Variants in GALNT13 observed in about 807,000 individuals in gnomAD.
GALNT13 encodes the protein UDP-GalNAc:polypeptide N-acetylgalactosaminyltransferase 13.
A neutral mutation model predicts 64.2 loss-of-function variants in GALNT13; 28 were observed. The observed-to-expected ratio is 0.44, with a 90% CI of 0.32 to 0.60. GALNT13 has a LOEUF of 0.60. Ranked by LOEUF, GALNT13 falls within the 20% of genes least tolerant of loss-of-function variation. GALNT13 has a pLI of 0.05. For synonymous variants in GALNT13, 214 were observed against 224.6 expected, an observed-to-expected ratio of 0.95 and a Z score of 0.42; for missense variants, 577 against 669.8, an observed-to-expected ratio of 0.86 and a Z score of 1.53.
At chr2:153,759,240 C>T in the GALNT13 span, among the ~76,000 whole-genome samples, 1 of 152,046 alleles carries the variant, frequency 6.6e-6, no homozygotes, top group Non-Finnish European at 1.5e-5. Flanking sequence ...ATGTCATCAC[C>T]AAACATGAAC....
At chr2:154,150,033 T>C (rs1259764778) in intron 4 of GALNT13, among the ~76,000 whole-genome samples, 1 of 152,196 alleles carries the variant, frequency 6.6e-6, no homozygotes, top group African/African-American at 2.4e-5. Flanking sequence ...CTTCCAGTTT[T>C]TGCCCATTCA....
chr2:153,450,885 T>G, the GALNT13 span, among the ~76,000 whole-genome samples: 3 of 152,222 alleles, frequency 2.0e-5, no homozygotes, highest in African/African-American at 7.2e-5. Context: ...TTCCATAGCA[T>G]GTTTCAAAAG....
chr2:154,394,768 G>T (rs2105359942), intron 9 of GALNT13, among the ~76,000 whole-genome samples: 1 of 152,256 alleles, frequency 6.6e-6, no homozygotes, highest in East Asian at 1.9e-4. Flanking sequence ...AAAGCCCAAA[G>T]ACCTTGTTTT....
the GALNT13 span, among the ~76,000 whole-genome samples, chr2:153,070,842 A>C: frequency 1.3e-5 from 2 of 152,146 alleles, no homozygotes; most frequent in African/African-American, 2.4e-5. Flanking sequence ...GTTCCCCTGA[A>C]CTTTCTGAAC....
the GALNT13 span, among the ~76,000 whole-genome samples, chr2:153,489,646 G>C: frequency 6.6e-6 from 1 of 152,110 alleles, no homozygotes; most frequent in South Asian, 2.1e-4. Flanking sequence ...CCTATGTTTC[G>C]ATTAATACAA....
chr2:153,630,179 C>G, the GALNT13 span, among the ~76,000 whole-genome samples: 1 of 151,752 alleles, frequency 6.6e-6, no homozygotes, highest in Non-Finnish European at 1.5e-5. Flanking sequence ...AGTCATGCTG[C>G]TATAAAGACA....
the GALNT13 span, among the ~76,000 whole-genome samples, chr2:153,837,143 A>G: frequency 6.6e-6 from 1 of 151,434 alleles, no homozygotes; most frequent in Admixed American, 6.6e-5. Context: ...AAGTGTTCCT[A>G]TTTCTCCACA....
At chr2:153,080,380 G>A in the GALNT13 span, among the ~76,000 whole-genome samples, 340 of 152,036 alleles carry the variant, frequency 2.2e-3, no homozygotes, top group African/African-American at 8.0e-3. Context: ...TGTATTCATT[G>A]ATTTTATTAT....
the GALNT13 span, among the ~76,000 whole-genome samples, chr2:153,415,416 GA>G: frequency 1.8e-4 from 28 of 152,270 alleles, no homozygotes; most frequent in Admixed American, 7.8e-4. Context: ...TTGCAGCAAA[GA>G]AAGCAATTAT....
intron 4 of GALNT13, among the ~76,000 whole-genome samples, chr2:154,238,267 CAAAG>C (rs1689301682): frequency 6.6e-6 from 1 of 152,040 alleles, no homozygotes; most frequent in Admixed American, 6.5e-5. Context: ...TATTTAAAGG[CAAAG>C]AAAGCTTAAA....
chr2:153,534,521 TCTTTC>T, the GALNT13 span, among the ~76,000 whole-genome samples: 40 of 146,896 alleles, frequency 2.7e-4, no homozygotes, highest in Middle Eastern at 3.6e-3. Context: ...CCTCTTTCTT[TCTTTC>T]TTTTTTTTTT....
chr2:154,170,015 G>A (rs2105697281), intron 4 of GALNT13, among the ~76,000 whole-genome samples: 1 of 152,260 alleles, frequency 6.6e-6, no homozygotes, highest in Admixed American at 6.5e-5. Context: ...ATTTCAGGCA[G>A]ACCAAAGCTC....
the GALNT13 span, among the ~76,000 whole-genome samples, chr2:153,435,746 C>T: frequency 6.6e-6 from 1 of 152,128 alleles, no homozygotes; most frequent in African/African-American, 2.4e-5. Context: ...ATGGGGTTTT[C>T]TAGATACACA....
At chr2:153,871,540 T>C (rs1348003102), upstream of GALNT13, among the ~76,000 whole-genome samples, 3 of 152,154 alleles carry the variant, frequency 2.0e-5, no homozygotes, top group Non-Finnish European at 4.4e-5. Context: ...CCCTGGTGCA[T>C]TGGGCGAACG....
the GALNT13 span, among the ~76,000 whole-genome samples, chr2:153,662,596 A>G: frequency 3.9e-5 from 6 of 152,150 alleles, no homozygotes; most frequent in African/African-American, 1.4e-4. Flanking sequence ...CTAAGCACCA[A>G]CTTGTCTGAT....
chr2:153,616,174 AG>A, the GALNT13 span, among the ~76,000 whole-genome samples: 1 of 151,710 alleles, frequency 6.6e-6, no homozygotes, highest in Non-Finnish European at 1.5e-5. Flanking sequence ...CAGTTTTCTC[AG>A]CGCCATTTAT....
At chr2:154,119,134 C>A (rs530751361) in intron 3 of GALNT13, among the ~76,000 whole-genome samples, 1 of 152,128 alleles carries the variant, frequency 6.6e-6, no homozygotes, top group African/African-American at 2.4e-5. Flanking sequence ...GTTATACTCC[C>A]TTAGCTTTTG....
At chr2:153,240,487 A>T in the GALNT13 span, among the ~76,000 whole-genome samples, 1 of 152,064 alleles carries the variant, frequency 6.6e-6, no homozygotes, top group African/African-American at 2.4e-5. Context: ...CTGGTGATAG[A>T]TCAGAGGCCA....
the GALNT13 span, among the ~76,000 whole-genome samples, chr2:153,749,907 G>C: frequency 1.4e-4 from 21 of 151,990 alleles, no homozygotes; most frequent in East Asian, 2.5e-3. Flanking sequence ...TCATGTCCCA[G>C]ATCTTAGAGG....
Sources: gnomAD v4.1 joint callset for allele counts (sites outside exome capture counted in the v4.1 genomes callset) on GRCh38, gnomAD v4.1.1 for gene constraint, MANE v1.5 for transcripts, NCBI Gene and HGNC (gene_info 2026-07-23, HGNC 2026-07-21) for gene names.